Variants in TMEM120B observed in about 807,000 individuals in gnomAD.
TMEM120B encodes the protein transmembrane protein 120B.
A neutral mutation model predicts 55.5 loss-of-function variants in TMEM120B; 31 were observed. The observed-to-expected ratio is 0.56, with a 90% CI of 0.42 to 0.75. The LOEUF is 0.75. Ranked by LOEUF, TMEM120B falls within the 30% of genes least tolerant of loss-of-function variation. The pLI is 0.00. For synonymous variants in TMEM120B, 203 were observed against 176.3 expected (o/e 1.15, Z -1.20); for missense variants, 399 against 425.5 (o/e 0.94, Z 0.55).
intron 6 of TMEM120B, among the ~76,000 whole-genome samples, chr12:121,768,633 A>C (rs1284418316): frequency 1.3e-5 from 2 of 152,198 alleles, no homozygotes; most frequent in African/African-American, 4.8e-5. Flanking sequence ...TCCACCTCCC[A>C]GTCCTGGGGA....
chr12:121,758,041 C>A, intron 5 of TMEM120B: 1 of 412,948 alleles, frequency 2.4e-6, no homozygotes, highest in Non-Finnish European at 3.3e-6. Flanking sequence ...ATCGCTTGAG[C>A]CCAGGAGATT....
chr12:121,746,745 G>A (rs1182784711), intron 2 of TMEM120B, among the ~76,000 whole-genome samples: 1 of 152,094 alleles, frequency 6.6e-6, no homozygotes, highest in Non-Finnish European at 1.5e-5. Context: ...ATGAGGTCAG[G>A]AGATCGAGAC....
At chr12:121,735,189 AAAAAAAAAAAAC>A (rs1334075920) in intron 1 of TMEM120B, among the ~76,000 whole-genome samples, 3 of 150,568 alleles carry the variant, frequency 2.0e-5, no homozygotes, top group South Asian at 2.1e-4. Context: ...CTGTCTCAAA[AAAAAAAAAAAAC>A]AAAAAAAAAA....
At position 121,756,696 on chromosome 12, in the gene TMEM120B, G is replaced by A. The variant is rs1247688603; in HGVS notation, c.461+4473G>A. ...GGCCCTGGGGGCAAAATGAAAGGAG[G>A]ATGCAACTGCTTTGAAGCTTTGTGG... On this transcript the variant is annotated intron_variant, in intron 5 of 11. Coordinates refer to ENST00000449592, the MANE Select transcript of TMEM120B (RefSeq NM_001080825.2). 2.6e-5 allele frequency among the ~76,000 whole-genome samples: 4 copies of A among 152,218 alleles called. No homozygotes were observed. The East Asian group carries it at 7.7e-4, about 29-fold the overall frequency.
intron 1 of TMEM120B, among the ~76,000 whole-genome samples, chr12:121,723,127 A>G (rs762652409): frequency 6.0e-5 from 9 of 150,820 alleles, no homozygotes; most frequent in East Asian, 1.9e-4. Context: ...GATTACAGAC[A>G]TGAGCCACCG....
intron 1 of TMEM120B, among the ~76,000 whole-genome samples, chr12:121,728,520 A>G (rs1373190780): frequency 1.3e-5 from 2 of 148,912 alleles, no homozygotes; most frequent in Non-Finnish European, 3.0e-5. Flanking sequence ...GGGTTTCACC[A>G]TGTTGGCCAG....
chr12:121,750,751 CCACACTCCACACT>C (rs1360230100), intron 4 of TMEM120B, among the ~76,000 whole-genome samples: 1 of 145,794 alleles, frequency 6.9e-6, no homozygotes, highest in Non-Finnish European at 1.5e-5. Flanking sequence ...TACTCACACC[CCACACTCCACACT>C]CACACTCCAC....
chr12:121,780,978 C>T lies in TMEM120B; in HGVS notation c.*5256C>T, dbSNP rs199706285. The T allele has an allele frequency of 3.3e-4, 531 of 1,613,852 alleles. No individual in the cohort carries two copies. Among genetic ancestry groups the T allele is most frequent in the African/African-American group, 5.1e-4 (38 of 75,038 alleles). The stretch of plus-strand genomic sequence containing the variant: ...GCCGATGAGCACCATGGGGATCCCG[C>T]GGCAGAAATGCGTGACCTCAGGGAA... On this transcript the variant is annotated 3_prime_UTR_variant, in exon 12 of 12. Coordinates refer to ENST00000449592, the MANE Select transcript of TMEM120B (RefSeq NM_001080825.2).
intron 6 of TMEM120B, among the ~76,000 whole-genome samples, chr12:121,767,900 T>C (rs1873900159): frequency 6.6e-6 from 1 of 152,170 alleles, no homozygotes; most frequent in Non-Finnish European, 1.5e-5. Context: ...CTCAGGCTGC[T>C]CCTAGACAGA....
At chr12:121,764,538 G>C (rs543020002) in intron 6 of TMEM120B, among the ~76,000 whole-genome samples, 2 of 152,132 alleles carry the variant, frequency 1.3e-5, no homozygotes, top group Non-Finnish European at 1.5e-5. Context: ...AATTAGCCAG[G>C]CATGGTGGTG....
Position 121,781,475 on chromosome 12 carries a change from C to T in TMEM120B, c.*5753C>T. The T allele has an allele frequency of 2.7e-6, 1 of 373,144 alleles. No homozygotes were observed. Among genetic ancestry groups the T allele is most frequent in the Non-Finnish European group, 5.0e-6 (1 of 199,028 alleles). 23.1% of individuals were successfully genotyped at this position (373,144 alleles called of 1,614,324 possible). A position where few individuals can be genotyped will look rare whatever the true frequency, so the allele number is the denominator to read the frequency against. ...GACAGAGCGAGACCCTGTCTCTTAACAACAAAACCCATGAGCGGCAGCCCC... is the reference window on the plus strand; with the variant it reads ...GACAGAGCGAGACCCTGTCTCTTAATAACAAAACCCATGAGCGGCAGCCCC... On this transcript the variant is annotated 3_prime_UTR_variant, in exon 12 of 12. Coordinates refer to ENST00000449592, the MANE Select transcript of TMEM120B (RefSeq NM_001080825.2).
chr12:121,775,514 T>C lies in TMEM120B; in HGVS notation c.907-95T>C. 1.3e-6 allele frequency: 2 copies of C among 1,500,330 alleles called. No homozygotes were observed. The highest frequency in any genetic ancestry group is 1.8e-6 in the Non-Finnish European group (2 of 1,128,746). The allele number at this position is 1,500,330 out of a possible 1,614,324, so 92.9% of individuals were successfully genotyped here. A position where few individuals can be genotyped will look rare whatever the true frequency, so the allele number is the denominator to read the frequency against. ...TGGCAAAACCCTGCAGTTTGGGAGT[T>C]TGGGGGCAGCTGTGCTGGAGATTCT... On this transcript the variant is annotated intron_variant, in intron 11 of 11. Transcript: ENST00000449592. The surrounding 1 kb of genome is among the most constrained non-coding windows in gnomAD (Gnocchi z 4.3).
In TMEM120B at chr12:121,760,364, G is replaced by A. The variant is rs372953453; in HGVS notation, c.462-1285G>A. ...CGGGCATCTTGGAGGACAAGTGTGC[G>A]GTGTGCCCTTTGACCTGGGGTCTTA... On this transcript the variant is annotated intron_variant, in intron 5 of 11. Transcript: ENST00000449592. 8.0e-5 allele frequency among the ~76,000 whole-genome samples: 12 copies of A among 149,994 alleles called. No homozygotes were observed. The South Asian group carries it at 2.3e-3, about 29-fold the overall frequency.
At position 121,712,954 on chromosome 12, in the gene TMEM120B, A is replaced by C. The variant is rs183596969; in HGVS notation, c.59A>C (p.Gln20Pro). ...REWHELEGEF[Q>P]ELQETHRIYK... ...TGGCACGAGCTGGAGGGAGAATTTC[A>C]AGAACTGCAGGTAGGGCCAGGCCAC... The change falls in exon 1 of 12, where the codon CAA becomes CCA. Residue 20 changes from glutamine to proline, a missense_variant. This residue lies in a region of TMEM120B where 133 missense variants were observed against 104.1 expected (regional missense o/e 1.28). Coordinates refer to ENST00000449592, the MANE Select transcript of TMEM120B (RefSeq NM_001080825.2). The C allele has an allele frequency of 3.2e-4, 488 of 1,542,206 alleles. 8 individuals carry two copies. In the East Asian group the frequency reaches 0.011, roughly 35 times the overall value.
At chr12:121,759,135 T>TTTCTGAGG (rs34939220) in intron 5 of TMEM120B, 6 of 848,226 alleles carry the variant, frequency 7.1e-6, no homozygotes, top group East Asian at 1.2e-4. Context: ...TTTTTTTTTT[T>TTTCTGAGG]TCTGAGGTGG....
intron 5 of TMEM120B, 72 bp from the exon 6 acceptor site, chr12:121,761,577 T>G: frequency 4.3e-6 from 5 of 1,171,882 alleles, no homozygotes; most frequent in Non-Finnish European, 5.1e-6. Context: ...TGCTGCTCTG[T>G]GAGGTGAGGG....
chr12:121,779,853 C>T lies in TMEM120B; in HGVS notation c.*4131C>T, dbSNP rs1874383135. 1.6e-6 allele frequency: 1 copy of T among 619,252 alleles called. No individual in the cohort carries two copies. The allele number at this position is 619,252 out of a possible 1,614,324, so 38.4% of individuals were successfully genotyped here. ...TGGAGGGCCAGGGCAGTGCAGCCCG[C>T]AGGTTGGAAGAAGCCCTGTCCAGGC... is the stretch of plus-strand genomic sequence containing the variant. On this transcript the variant is annotated 3_prime_UTR_variant, in exon 12 of 12. Transcript: ENST00000449592.
At chr12:121,718,920 C>A (rs1894747220) in intron 1 of TMEM120B, among the ~76,000 whole-genome samples, 1 of 152,148 alleles carries the variant, frequency 6.6e-6, no homozygotes, top group Non-Finnish European at 1.5e-5. Context: ...TCTGTGTCAG[C>A]ATTATTCTCA....
At chr12:121,714,556 TC>T (rs1339636903) in intron 1 of TMEM120B, among the ~76,000 whole-genome samples, 45 of 146,252 alleles carry the variant, frequency 3.1e-4, no homozygotes, top group African/African-American at 1.2e-3. Context: ...CTCAGCCACT[TC>T]TTTTTTTTTT....
Sources: gnomAD v4.1 joint callset for allele counts (sites outside exome capture counted in the v4.1 genomes callset) on GRCh38, gnomAD v4.1.1 for gene constraint, gnomAD v4.1.1 regional missense constraint, Gnocchi (gnomAD v3.1) non-coding constraint, MANE v1.5 for transcripts, NCBI Gene and HGNC (gene_info 2026-07-23, HGNC 2026-07-21) for gene names.